Variants in DOCK9 observed in about 807,000 individuals in gnomAD.
The protein encoded by DOCK9 is dedicator of cytokinesis 9.
In DOCK9, 89 loss-of-function variants were observed where a neutral mutation model predicts 263.3. The observed-to-expected ratio is 0.34, with a 90% CI of 0.28 to 0.40. The LOEUF (loss-of-function observed/expected upper bound fraction) is 0.40, where lower values mean the gene tolerates loss of function less well. Ranked by LOEUF, DOCK9 falls within the 10% of genes least tolerant of loss-of-function variation. The pLI is 1.00. For synonymous variants in DOCK9, 976 were observed against 973.1 expected (o/e 1.00, Z -0.06); for missense variants, 2,140 against 2,603.4 (o/e 0.82, Z 3.87).
intron 27 of DOCK9, among the ~76,000 whole-genome samples, chr13:98,869,538 T>C (rs1388563390): frequency 6.6e-6 from 1 of 152,230 alleles, no homozygotes; most frequent in Non-Finnish European, 1.5e-5. Flanking sequence ...CTCCATTACA[T>C]TGATCCATTC....
At chr13:99,045,157 T>G (rs1047258416) in intron 1 of DOCK9, among the ~76,000 whole-genome samples, 3 of 152,156 alleles carry the variant, frequency 2.0e-5, no homozygotes, top group African/African-American at 7.2e-5. Flanking sequence ...TACTACCGGG[T>G]ACTTGCCCAA....
chr13:98,942,358 C>A (rs1184723899), intron 2 of DOCK9, among the ~76,000 whole-genome samples: 6 of 151,850 alleles, frequency 4.0e-5, no homozygotes, highest in Admixed American at 3.9e-4. Flanking sequence ...CCTGCCTCAG[C>A]CTCCCGAGTA....
chr13:98,949,834 G>A, intron 2 of DOCK9: 2 of 482,284 alleles, frequency 4.1e-6, no homozygotes, highest in South Asian at 3.1e-5. Flanking sequence ...TGGAAAGGGT[G>A]CAAGACCCAT....
chr13:98,803,881 G>A (rs1176385990), intron 49 of DOCK9, among the ~76,000 whole-genome samples: 6 of 151,798 alleles, frequency 4.0e-5, no homozygotes, highest in Non-Finnish European at 8.8e-5. Context: ...TTCCCTCATA[G>A]GGAGTGTGAA....
intron 19 of DOCK9, 95 bp downstream of exon 19, chr13:98,886,437 T>G (rs989465769): frequency 1.1e-6 from 1 of 902,726 alleles, no homozygotes; most frequent in African/African-American, 1.7e-5. Context: ...CAGTGTAATA[T>G]GCAGCTTCTC....
Position 98,813,564 on chromosome 13 carries a change from C to T in DOCK9, c.5131-3273G>A, listed in dbSNP as rs549057775. On this transcript the variant is annotated intron_variant, in intron 45 of 52. Coordinates refer to ENST00000682017, the MANE Select transcript of DOCK9 (RefSeq NM_001366683.2). ...GCCAGCTATGCACTCCCAGAATAAA[C>T]CCTACGTGGTCATGATGCATTTCTC... Among the ~76,000 whole-genome samples the T allele has an allele frequency of 5.9e-5, 9 of 152,224 alleles. No homozygotes were observed. The South Asian group carries it at 1.7e-3, about 28-fold the overall frequency.
chr13:98,892,109 C>T (rs1341840816), intron 15 of DOCK9, among the ~76,000 whole-genome samples: 1 of 152,112 alleles, frequency 6.6e-6, no homozygotes, highest in Non-Finnish European at 1.5e-5. Flanking sequence ...CTTAAAATTA[C>T]ACGAATTAAG....
Position 98,977,915 on chromosome 13 carries a change from GC to G in DOCK9, c.-7del, listed in dbSNP as rs1191871861. 1.3e-6 allele frequency: 2 copies of G among 1,575,646 alleles called. No individual in the cohort carries two copies. Among genetic ancestry groups the G allele is most frequent in the East Asian group, 2.3e-5 (1 of 43,314 alleles). ...CTGCATTTATCAGCCTGCATTCTCG[GC>G]TGAAAACGCAAGTCAGAAAGTCTGC... On this transcript the variant is annotated 5_prime_UTR_variant, in exon 1 of 53. Transcript: ENST00000682017.
At chr13:98,916,531 C>A (rs562851664) in intron 7 of DOCK9, among the ~76,000 whole-genome samples, 1 of 152,182 alleles carries the variant, frequency 6.6e-6, no homozygotes, top group Non-Finnish European at 1.5e-5. Flanking sequence ...GACAGGGCAA[C>A]CCTCCCAAAA....
intron 1 of DOCK9, among the ~76,000 whole-genome samples, chr13:98,989,432 T>C (rs1402373621): frequency 6.6e-6 from 1 of 151,974 alleles, no homozygotes; most frequent in African/African-American, 2.4e-5. Flanking sequence ...AATCCTGAAC[T>C]GAGCCTCAAG....
chr13:98,862,422 C>T (rs2093899414), intron 32 of DOCK9, among the ~76,000 whole-genome samples: 1 of 152,156 alleles, frequency 6.6e-6, no homozygotes. Flanking sequence ...GGCACGGTGG[C>T]TCACGTCTGT....
At chr13:98,985,031 C>A (rs770446942) in intron 1 of DOCK9, among the ~76,000 whole-genome samples, 1 of 133,798 alleles carries the variant, frequency 7.5e-6, no homozygotes, top group African/African-American at 2.9e-5. Flanking sequence ...AAGAACATAA[C>A]AGAACTATAA....
chr13:98,903,288 T>G (rs990619196), intron 10 of DOCK9, among the ~76,000 whole-genome samples, 176 bp from the exon 11 acceptor site: 4 of 152,072 alleles, frequency 2.6e-5, no homozygotes, highest in African/African-American at 9.7e-5. Context: ...ACACACATAG[T>G]TTATAACAAT....
At chr13:98,807,263 C>T (rs1472029813) in intron 48 of DOCK9, among the ~76,000 whole-genome samples, 1 of 152,224 alleles carries the variant, frequency 6.6e-6, no homozygotes, top group Non-Finnish European at 1.5e-5. Context: ...TGTGTCCATT[C>T]ACCCATCCGC....
rs184717270 is a variant in DOCK9, at chr13:99,072,466, C to T, written c.129+13757G>A. 6.6e-5 allele frequency among the ~76,000 whole-genome samples: 10 copies of T among 152,260 alleles called. No homozygotes were observed. In the East Asian group the frequency reaches 1.7e-3, roughly 26 times the overall value. Reference sequence around the variant, plus strand: ...AAGGCACTCTCTTGTTTGCAAGGTACTTCCTGACTTCGGGGACAAAGCACT... The same window carrying T: ...AAGGCACTCTCTTGTTTGCAAGGTATTTCCTGACTTCGGGGACAAAGCACT... On this transcript the variant is annotated intron_variant, in intron 1 of 32. Transcript: ENST00000427887.
chr13:98,997,271 C>T (rs1052811720), intron 1 of DOCK9, among the ~76,000 whole-genome samples: 11 of 152,254 alleles, frequency 7.2e-5, no homozygotes, highest in African/African-American at 2.7e-4. Flanking sequence ...TGGATCACCT[C>T]ACTTTCCTCT....
chr13:99,065,062 C>G (rs903475007), intron 1 of DOCK9, among the ~76,000 whole-genome samples: 5 of 152,174 alleles, frequency 3.3e-5, no homozygotes, highest in South Asian at 2.1e-4. Flanking sequence ...ACACTCCCAG[C>G]ACAGTCACGC....
At chr13:99,009,590 C>A (rs1884103358) in intron 1 of DOCK9, among the ~76,000 whole-genome samples, 1 of 152,120 alleles carries the variant, frequency 6.6e-6, no homozygotes, top group East Asian at 1.9e-4. Flanking sequence ...CTCCAGCTAA[C>A]AGGTATTATT....
intron 1 of DOCK9, among the ~76,000 whole-genome samples, chr13:98,997,105 C>T (rs1881230897): frequency 1.3e-5 from 2 of 152,232 alleles, no homozygotes; most frequent in Non-Finnish European, 2.9e-5. Flanking sequence ...GAAAAGAGGG[C>T]TTCTCGAATG....
Sources: gnomAD v4.1 joint callset for allele counts (sites outside exome capture counted in the v4.1 genomes callset) on GRCh38, gnomAD v4.1.1 for gene constraint, MANE v1.5 for transcripts, NCBI Gene and HGNC (gene_info 2026-07-23, HGNC 2026-07-21) for gene names.